Variants in MOXD1 observed in about 807,000 individuals in gnomAD.
MOXD1 encodes the protein DBH-like monooxygenase protein 1.
Under a neutral mutation model 66.6 loss-of-function variants are expected in MOXD1, and 62 were observed. The observed-to-expected ratio is 0.93, with a 90% CI of 0.76 to 1.15. MOXD1 has a LOEUF of 1.15. MOXD1 is among the 50% of genes most tolerant of loss of function. The pLI is 0.00. For missense variants in MOXD1, 847 were observed against 754.6 expected (o/e 1.12, Z -1.44); for synonymous variants, 303 against 281.9 (o/e 1.07, Z -0.75).
intron 4 of MOXD1, among the ~76,000 whole-genome samples, chr6:132,360,160 G>C (rs1775988150): frequency 6.6e-6 from 1 of 152,204 alleles, no homozygotes; most frequent in Non-Finnish European, 1.5e-5. Context: ...GTTGAAGTCA[G>C]CGTCCTATTT....
At chr6:132,393,707 G>T (rs985029645) in intron 1 of MOXD1, among the ~76,000 whole-genome samples, 5 of 152,060 alleles carry the variant, frequency 3.3e-5, no homozygotes, top group Non-Finnish European at 2.9e-5. Flanking sequence ...TGAAAGCCCC[G>T]CCCCTGCCAG....
chr6:132,378,516 A>G (rs1776441030), intron 1 of MOXD1, among the ~76,000 whole-genome samples: 1 of 152,214 alleles, frequency 6.6e-6, no homozygotes, highest in Non-Finnish European at 1.5e-5. Flanking sequence ...AGAAAGCAGA[A>G]AAAGATTAAA....
chr6:132,324,020 C>A lies in MOXD1; in HGVS notation c.1024G>T (p.Gly342Cys). Reference sequence around the variant, plus strand: ...GTATGGAAGAGGCTCACCCAGAGGCCAGCCTCAATCACCCCAGCATCATAT... The same window carrying A: ...GTATGGAAGAGGCTCACCCAGAGGCAAGCCTCAATCACCCCAGCATCATAT... ...RKYDAGVIEAGLWVSLFHTIP... is the reference protein window; with the variant it reads ...RKYDAGVIEACLWVSLFHTIP... The change falls in exon 7 of 12, where the codon GGC (glycine) becomes TGC (cysteine). Residue 342 changes from glycine (G) to cysteine (C), a missense_variant. By Grantham distance (159) the Gly-to-Cys change is radical (BLOSUM62 -3). Transcript: ENST00000367963. 6.2e-7 allele frequency: 1 copy of A among 1,613,688 alleles called. No individual in the cohort carries two copies. Among genetic ancestry groups the A allele is most frequent in the Non-Finnish European group, 8.5e-7 (1 of 1,179,668 alleles).
At chr6:132,364,639 T>C (rs1027713813) in intron 4 of MOXD1, among the ~76,000 whole-genome samples, 1 of 152,198 alleles carries the variant, frequency 6.6e-6, no homozygotes, top group Non-Finnish European at 1.5e-5. Flanking sequence ...CTGGCACTCC[T>C]AATTTTTATC....
chr6:132,383,269 T>G (rs1470334791), intron 1 of MOXD1, among the ~76,000 whole-genome samples: 1 of 152,206 alleles, frequency 6.6e-6, no homozygotes, highest in Non-Finnish European at 1.5e-5. Flanking sequence ...CACAGAGCTG[T>G]ACAAACAAAT....
At chr6:132,356,441 G>C (rs1017237515) in intron 4 of MOXD1, among the ~76,000 whole-genome samples, 1 of 152,188 alleles carries the variant, frequency 6.6e-6, no homozygotes, top group African/African-American at 2.4e-5. Context: ...CAGCTAGTGT[G>C]TGAATTTTAT....
At chr6:132,349,507 T>G (rs1475716992) in intron 4 of MOXD1, among the ~76,000 whole-genome samples, 2 of 122,942 alleles carry the variant, frequency 1.6e-5, no homozygotes, top group Non-Finnish European at 3.4e-5. Flanking sequence ...CACAGTTTCT[T>G]TATCCACTCA....
Position 132,297,336 on chromosome 6 carries a change from A to G in MOXD1, c.1678-19T>C. ...CTTGAATCTGAAAATGGAAGCACAAACAATGCAAATGAACATCTGATTTAA... is the reference window on the plus strand; with the variant it reads ...CTTGAATCTGAAAATGGAAGCACAAGCAATGCAAATGAACATCTGATTTAA... On this transcript the variant is annotated intron_variant, in intron 11 of 11. Transcript: ENST00000367963. The G allele has an allele frequency of 6.2e-7, 1 of 1,610,524 alleles. No individual in the cohort carries two copies. Among genetic ancestry groups the G allele is most frequent in the Non-Finnish European group, 8.5e-7 (1 of 1,177,952 alleles).
At position 132,338,585 on chromosome 6, in the gene MOXD1, C is replaced by G. The variant is rs114506195; in HGVS notation, c.664-9991G>C. On this transcript the variant is annotated intron_variant, in intron 4 of 11. Coordinates refer to ENST00000367963, the MANE Select transcript of MOXD1 (RefSeq NM_015529.4). ...TCTTCCCTTGCCTTACTCTCCCCACCAGCCAACCCCCGACCCAGTGTTTTC... is the reference window on the plus strand; with the variant it reads ...TCTTCCCTTGCCTTACTCTCCCCACGAGCCAACCCCCGACCCAGTGTTTTC... Among the ~76,000 whole-genome samples, 1,013 of 152,278 alleles carry G rather than the reference C, an allele frequency of 6.7e-3. 11 individuals are homozygous for G. Among genetic ancestry groups the G allele is most frequent in the African/African-American group, 0.023 (951 of 41,556 alleles).
chr6:132,366,563 T>C (rs1254151594), intron 4 of MOXD1, among the ~76,000 whole-genome samples: 1 of 152,110 alleles, frequency 6.6e-6, no homozygotes, highest in African/African-American at 2.4e-5. Context: ...GAAAGAGATA[T>C]ACTGTCAGAG....
intron 10 of MOXD1, among the ~76,000 whole-genome samples, chr6:132,303,666 C>T (rs1774597949): frequency 6.9e-6 from 1 of 144,986 alleles, no homozygotes; most frequent in African/African-American, 2.6e-5. Flanking sequence ...GATGCAGAAT[C>T]CATGTTCTGC....
At chr6:132,337,915 A>G (rs952766760) in intron 4 of MOXD1, among the ~76,000 whole-genome samples, 10 of 152,180 alleles carry the variant, frequency 6.6e-5, no homozygotes, top group Non-Finnish European at 2.9e-5. Flanking sequence ...TTTTAAATTC[A>G]TACGTATATG....
chr6:132,384,518 T>A (rs9483440), intron 1 of MOXD1, among the ~76,000 whole-genome samples: 1,713 of 152,254 alleles, frequency 0.011, 36 homozygotes, highest in African/African-American at 0.038. Flanking sequence ...AATTTTTAGA[T>A]AAATACTTAC....
chr6:132,389,137 C>T (rs1776706873), intron 1 of MOXD1, among the ~76,000 whole-genome samples: 2 of 151,230 alleles, frequency 1.3e-5, no homozygotes, highest in African/African-American at 4.8e-5. Context: ...CTCCTGGCTT[C>T]AAGTGATCCT....
At chr6:132,354,641 G>C (rs1775874953) in intron 4 of MOXD1, among the ~76,000 whole-genome samples, 1 of 152,252 alleles carries the variant, frequency 6.6e-6, no homozygotes, top group African/African-American at 2.4e-5. Context: ...GTCCTGCCAG[G>C]AGGTGGCACT....
intron 10 of MOXD1, 61 bp downstream of exon 10, chr6:132,315,574 C>T (rs910207729): frequency 2.8e-5 from 42 of 1,518,816 alleles, no homozygotes; most frequent in African/African-American, 7.0e-5. Flanking sequence ...TCCAGTATGA[C>T]AATAAAGCCC....
At chr6:132,354,304 G>C (rs116088108) in intron 4 of MOXD1, among the ~76,000 whole-genome samples, 2 of 152,136 alleles carry the variant, frequency 1.3e-5, no homozygotes, top group East Asian at 3.9e-4. Flanking sequence ...AAAAGTCTAC[G>C]GGTGAAGGCT....
chr6:132,340,519 C>T (rs1775531503), intron 4 of MOXD1, among the ~76,000 whole-genome samples: 1 of 134,782 alleles, frequency 7.4e-6, no homozygotes, highest in South Asian at 2.5e-4. Flanking sequence ...GAAAAATATA[C>T]ATATAAAACA....
chr6:132,339,369 A>T (rs1286289372), intron 4 of MOXD1, among the ~76,000 whole-genome samples: 1 of 152,046 alleles, frequency 6.6e-6, no homozygotes, highest in East Asian at 1.9e-4. Flanking sequence ...TCAAATGACA[A>T]CTCCCCACCC....
Sources: allele counts gnomAD v4.1 joint callset (sites outside exome capture counted in the v4.1 genomes callset), GRCh38; gene constraint gnomAD v4.1.1; transcripts MANE v1.5; gene names NCBI Gene and HGNC (gene_info 2026-07-23, HGNC 2026-07-21).